The following DEUP1 variants were observed in gnomAD, a reference collection of about 807,000 sequenced individuals.
DEUP1 encodes the protein coiled-coil domain containing 67.
A neutral mutation model predicts 87.4 loss-of-function variants in DEUP1; 82 were observed. The ratio of observed to expected loss-of-function variants is 0.94; its 90% CI spans 0.78 to 1.13. DEUP1 has a LOEUF of 1.13. Ranked by LOEUF, DEUP1 falls within the 50% of genes most tolerant of loss-of-function variation. DEUP1 has a pLI of 0.00. For synonymous variants in DEUP1, 214 were observed against 222.7 expected (o/e 0.96, Z 0.35); for missense variants, 663 against 681.5 (o/e 0.97, Z 0.30).
rs753812255 is a variant in DEUP1, at chr11:93,437,568, C to A, written c.1664C>A (p.Ala555Glu). The change falls in exon 14 of 14, where the codon GCA (alanine) becomes GAA (glutamate). Residue 555 changes from alanine (A) to glutamate (E), a missense_variant. Transcript: ENST00000298050. ...TCTCCCCCAGATATGTCCTTCCCAG[C>A]ATCTTTGGCTGCACAGCATTTCCTT... ...PLSPPDMSFP[A>E]SLAAQHFLLE... 3.1e-6 allele frequency: 5 copies of A among 1,613,188 alleles called. No homozygotes were observed. The highest frequency in any genetic ancestry group is 1.3e-5 in the African/African-American group (1 of 74,840).
chr11:93,347,751 G>A (rs541625028), intron 2 of DEUP1, among the ~76,000 whole-genome samples: 30 of 151,758 alleles, frequency 2.0e-4, no homozygotes, highest in African/African-American at 3.9e-4. Context: ...TTGTTTTTTC[G>A]TTTTTTTAGG....
At chr11:93,337,621 T>A (rs1005653284) in intron 2 of DEUP1, among the ~76,000 whole-genome samples, 1 of 152,100 alleles carries the variant, frequency 6.6e-6, no homozygotes, top group East Asian at 1.9e-4. Context: ...CAAAGTAAAG[T>A]ACATCTGGGT....
Position 93,437,743 on chromosome 11 carries a change from TCCCC to T in DEUP1, c.*30_*33del. The T allele has an allele frequency of 2.2e-5, 20 of 927,182 alleles. No homozygotes were observed. The highest frequency in any genetic ancestry group is 3.0e-5 in the Non-Finnish European group (19 of 624,554). 57.4% of individuals were successfully genotyped at this position (927,182 alleles called of 1,614,324 possible). A position where few individuals can be genotyped will look rare whatever the true frequency, so the allele number is the denominator to read the frequency against. ...GAGCTTTTAAACTTTTTTATTTGCT[TCCCC>T]CCCCCACCCCCGCCAAGAAAAAAAG... On this transcript the variant is annotated 3_prime_UTR_variant, in exon 14 of 14. Transcript: ENST00000298050.
intron 9 of DEUP1, among the ~76,000 whole-genome samples, chr11:93,391,177 A>G (rs1168012741): frequency 6.6e-6 from 1 of 151,940 alleles, no homozygotes; most frequent in Non-Finnish European, 1.5e-5. Flanking sequence ...GAATCTTGCA[A>G]GTATTTTATT....
In DEUP1 at chr11:93,365,837, A is replaced by G. The variant is rs540038596; in HGVS notation, c.432+1543A>G. Among the ~76,000 whole-genome samples the G allele has an allele frequency of 3.9e-5, 6 of 152,310 alleles. No individual in the cohort carries two copies. In the East Asian group the frequency reaches 1.2e-3, roughly 29 times the overall value. On this transcript the variant is annotated intron_variant, in intron 5 of 13. Coordinates refer to ENST00000298050, the MANE Select transcript of DEUP1 (RefSeq NM_181645.4). ...CATCTGATAAATTAATGTGTAAGAG[A>G]TTGGCCCTTCCAGTTTTAGTCTGCA...
At chr11:93,408,553 C>A in intron 12 of DEUP1, 126 bp downstream of exon 12, 2 of 623,924 alleles carry the variant, frequency 3.2e-6, no homozygotes, top group Non-Finnish European at 5.4e-6. Context: ...AATGATAATG[C>A]AGTAGATGAG....
intron 7 of DEUP1, among the ~76,000 whole-genome samples, chr11:93,384,223 A>G (rs1258301813): frequency 2.0e-5 from 3 of 151,950 alleles, no homozygotes; most frequent in Non-Finnish European, 4.4e-5. Flanking sequence ...AGCCATTTAA[A>G]CTCTTCACCA....
intron 2 of DEUP1, among the ~76,000 whole-genome samples, chr11:93,339,335 C>T (rs947554233): frequency 1.3e-5 from 2 of 152,176 alleles, no homozygotes; most frequent in Middle Eastern, 3.2e-3. Context: ...AGATGAGCAG[C>T]ACACAGCTAG....
chr11:93,405,806 C>T (rs1947255893), intron 11 of DEUP1, among the ~76,000 whole-genome samples: 1 of 151,864 alleles, frequency 6.6e-6, no homozygotes, highest in South Asian at 2.1e-4. Context: ...GCACTCAAAG[C>T]TTTAAGCTTA....
chr11:93,427,708 C>A (rs1387872465), intron 13 of DEUP1, among the ~76,000 whole-genome samples: 8 of 151,094 alleles, frequency 5.3e-5, no homozygotes, highest in Non-Finnish European at 1.5e-5. Flanking sequence ...ATGGGAGAAA[C>A]TTTTCACAAC....
At chr11:93,392,806 T>A (rs1340899677) in intron 9 of DEUP1, among the ~76,000 whole-genome samples, 2 of 152,044 alleles carry the variant, frequency 1.3e-5, no homozygotes, top group Non-Finnish European at 2.9e-5. Context: ...TCTACTTAAC[T>A]CTCCAGCCTT....
intron 11 of DEUP1, among the ~76,000 whole-genome samples, chr11:93,401,728 T>C (rs1371582337): frequency 6.6e-6 from 1 of 151,880 alleles, no homozygotes; most frequent in African/African-American, 2.4e-5. Flanking sequence ...ATATTGAAAA[T>C]AATGTATTTT....
chr11:93,399,073 T>A (rs1947032679), intron 11 of DEUP1, among the ~76,000 whole-genome samples: 1 of 152,116 alleles, frequency 6.6e-6, no homozygotes, highest in Non-Finnish European at 1.5e-5. Flanking sequence ...TGTAACTTTG[T>A]TTATGACTTT....
chr11:93,434,357 C>A (rs188733839), intron 13 of DEUP1, among the ~76,000 whole-genome samples: 30 of 152,310 alleles, frequency 2.0e-4, no homozygotes. Context: ...TTGGGGTGAG[C>A]CCCTAATGTC....
At chr11:93,361,542 T>C (rs1359867341) in intron 4 of DEUP1, among the ~76,000 whole-genome samples, 1 of 152,094 alleles carries the variant, frequency 6.6e-6, no homozygotes, top group Non-Finnish European at 1.5e-5. Context: ...ATTTCTACAC[T>C]TGAACTGGAA....
intron 13 of DEUP1, among the ~76,000 whole-genome samples, chr11:93,420,103 C>A (rs1426985972): frequency 6.6e-6 from 1 of 152,160 alleles, no homozygotes; most frequent in Admixed American, 6.5e-5. Flanking sequence ...CTGGCAGAGA[C>A]ACAACCAAAT....
At chr11:93,382,762 T>G (rs1432918823) in intron 7 of DEUP1, among the ~76,000 whole-genome samples, 1 of 152,198 alleles carries the variant, frequency 6.6e-6, no homozygotes, top group East Asian at 1.9e-4. Context: ...TGGGAGACAT[T>G]CACATTAAGT....
chr11:93,410,954 C>A (rs1192637420), intron 12 of DEUP1: 1 of 152,200 alleles, frequency 6.6e-6, no homozygotes, highest in African/African-American at 2.4e-5. Flanking sequence ...TTGAAAGTTT[C>A]ATTAAATTTG....
intron 2 of DEUP1, chr11:93,352,518 T>C (rs908171870): frequency 1.1e-5 from 7 of 630,592 alleles, no homozygotes; most frequent in Non-Finnish European, 1.7e-5. Context: ...GATATTACTA[T>C]GTGTATGACT....
Sources: gnomAD v4.1 joint callset for allele counts (sites outside exome capture counted in the v4.1 genomes callset) on GRCh38, gnomAD v4.1.1 for gene constraint, MANE v1.5 for transcripts, NCBI Gene and HGNC (gene_info 2026-07-23, HGNC 2026-07-21) for gene names.